Variants in NXN observed in about 807,000 individuals in gnomAD.
NXN encodes the protein nucleoredoxin.
Under a neutral mutation model 48.6 loss-of-function variants are expected in NXN, and 16 were observed. The ratio of observed to expected loss-of-function variants is 0.33; its 90% CI spans 0.22 to 0.50. NXN has a LOEUF of 0.50. Among genes scored for constraint, NXN ranks in the 20% least tolerant of loss-of-function variants. NXN has a pLI of 0.98. For synonymous variants in NXN, 281 were observed against 269.6 expected (o/e 1.04, Z -0.41); for missense variants, 492 against 605.5 (o/e 0.81, Z 1.97).
At chr17:889,608 CG>C (rs1383843516) in intron 1 of NXN, among the ~76,000 whole-genome samples, 1 of 151,496 alleles carries the variant, frequency 6.6e-6, no homozygotes, top group African/African-American at 2.4e-5. Flanking sequence ...ACCCGGGAGG[CG>C]GAGGTTGCAG....
Position 828,620 on chromosome 17 carries a change from TG to T in NXN, c.361-2543del, listed in dbSNP as rs377416235. On this transcript the variant is annotated intron_variant, in intron 1 of 7. Coordinates refer to ENST00000336868, the MANE Select transcript of NXN (RefSeq NM_022463.5). ...TTTCGCCACATTGGCCAGGCTGGTC[TG>T]GAACTCCTGACCTCAGGTGATCCAC... Among the ~76,000 whole-genome samples, 437 of 152,082 alleles carry T rather than the reference TG, an allele frequency of 2.9e-3. 2 individuals are homozygous for T. The highest frequency in any genetic ancestry group is 9.6e-3 in the African/African-American group (400 of 41,478).
intron 1 of NXN, among the ~76,000 whole-genome samples, chr17:971,709 C>CAA (rs1275705137): frequency 4.9e-4 from 67 of 138,090 alleles, no homozygotes; most frequent in Admixed American, 7.3e-4. Context: ...GACTCCATCT[C>CAA]AAAAAAAAAA....
chr17:887,883 C>T (rs567162083), intron 1 of NXN, among the ~76,000 whole-genome samples: 2 of 152,178 alleles, frequency 1.3e-5, no homozygotes, highest in African/African-American at 4.8e-5. Flanking sequence ...TTCAGCGTCA[C>T]GGAGGCCTGA....
chr17:876,228 G>A (rs1427854389), intron 1 of NXN, among the ~76,000 whole-genome samples: 3 of 142,482 alleles, frequency 2.1e-5, no homozygotes, highest in Admixed American at 7.0e-5. Flanking sequence ...GAGAAAGAAA[G>A]AAAGAAAGGA....
intron 1 of NXN, among the ~76,000 whole-genome samples, chr17:906,734 C>CTTT (rs35778901): frequency 4.2e-5 from 6 of 143,712 alleles, no homozygotes; most frequent in African/African-American, 1.3e-4. Flanking sequence ...ACCCGGACAA[C>CTTT]TTTTTTTTTT....
intron 1 of NXN, chr17:863,833 C>T: frequency 1.2e-6 from 1 of 822,116 alleles, no homozygotes; most frequent in East Asian, 2.7e-5. Flanking sequence ...AATTCAAATC[C>T]ACGTCATTCA....
chr17:812,367 G>A (rs1015810841), intron 5 of NXN, among the ~76,000 whole-genome samples: 1 of 152,254 alleles, frequency 6.6e-6, no homozygotes, highest in African/African-American at 2.4e-5. Flanking sequence ...TTTGGGTGCA[G>A]GCAGGGGGTG....
chr17:975,734 T>C (rs1242174504), intron 1 of NXN, among the ~76,000 whole-genome samples: 2 of 152,224 alleles, frequency 1.3e-5, no homozygotes, highest in African/African-American at 4.8e-5. Context: ...AAAGTTGAGC[T>C]CTGCGACTTT....
In NXN at chr17:958,635, G is replaced by C. The variant is rs1251145728; in HGVS notation, c.360+20684C>G. On this transcript the variant is annotated intron_variant, in intron 1 of 7. Transcript: ENST00000336868. This position sits in a 1 kb window ranked among gnomAD's most constrained non-coding sequence, Gnocchi z 6.9. ...AAAATACAAAAATTAGCCAGGCGTG[G>C]TGGCGTGCGCCTGTAGTCCCAGCTA... 6.6e-6 allele frequency among the ~76,000 whole-genome samples: 1 copy of C among 152,192 alleles called. No homozygotes were observed. Among genetic ancestry groups the C allele is most frequent in the African/African-American group, 2.4e-5 (1 of 41,448 alleles).
intron 5 of NXN, among the ~76,000 whole-genome samples, chr17:813,717 C>T (rs1446059569): frequency 6.6e-6 from 1 of 152,124 alleles, no homozygotes; most frequent in Non-Finnish European, 1.5e-5. Flanking sequence ...GCCTGTAATC[C>T]CAGCACTTTG....
At chr17:933,103 C>G (rs573762663) in intron 1 of NXN, among the ~76,000 whole-genome samples, 2 of 152,116 alleles carry the variant, frequency 1.3e-5, no homozygotes, top group South Asian at 2.1e-4. Context: ...CCACGAGGAC[C>G]GAGAAACGAC....
At chr17:856,859 G>C (rs896466229) in intron 1 of NXN, among the ~76,000 whole-genome samples, 1 of 152,092 alleles carries the variant, frequency 6.6e-6, no homozygotes. Flanking sequence ...TTTCTCTACA[G>C]CTCTCCTCTT....
chr17:895,046 T>C (rs2068462370), intron 1 of NXN, among the ~76,000 whole-genome samples: 1 of 110,714 alleles, frequency 9.0e-6, no homozygotes, highest in Non-Finnish European at 1.7e-5. Flanking sequence ...AGACTAAATC[T>C]CACTCCGTCG....
chr17:816,460 C>T (rs776270737), intron 5 of NXN, among the ~76,000 whole-genome samples: 11 of 151,998 alleles, frequency 7.2e-5, no homozygotes, highest in Admixed American at 3.9e-4. Context: ...CGTGCGGTTC[C>T]GTCTGCCGGG....
intron 1 of NXN, among the ~76,000 whole-genome samples, chr17:845,126 A>C (rs184035784): frequency 1.6e-4 from 24 of 152,328 alleles, no homozygotes; most frequent in Admixed American, 9.8e-4. Context: ...CCAGTGAGAA[A>C]GGTCAACTTC....
chr17:954,496 G>A (rs1210100234), intron 1 of NXN, among the ~76,000 whole-genome samples: 1 of 152,228 alleles, frequency 6.6e-6, no homozygotes, highest in East Asian at 1.9e-4. Flanking sequence ...CTCAGGGCAA[G>A]CACGTGTCCG....
intron 1 of NXN, among the ~76,000 whole-genome samples, chr17:903,124 T>A (rs1205715076): frequency 1.3e-5 from 2 of 152,144 alleles, no homozygotes; most frequent in Non-Finnish European, 2.9e-5. Flanking sequence ...GAACACAATG[T>A]ATAACTATAA....
chr17:902,214 C>G (rs1035764549), intron 1 of NXN, among the ~76,000 whole-genome samples: 3 of 152,216 alleles, frequency 2.0e-5, no homozygotes, highest in Non-Finnish European at 2.9e-5. Flanking sequence ...TGCTCCCACT[C>G]GCACGACGGA....
chr17:865,336 GGATTCA>G (rs1002462834), intron 1 of NXN, among the ~76,000 whole-genome samples: 1 of 151,862 alleles, frequency 6.6e-6, no homozygotes, highest in African/African-American at 2.4e-5. Flanking sequence ...TCTGCCTCCT[GGATTCA>G]AGTGATTCTC....
Sources: gnomAD v4.1 joint callset for allele counts (sites outside exome capture counted in the v4.1 genomes callset) on GRCh38, gnomAD v4.1.1 for gene constraint, Gnocchi (gnomAD v3.1) non-coding constraint, MANE v1.5 for transcripts, NCBI Gene and HGNC (gene_info 2026-07-23, HGNC 2026-07-21) for gene names.